The following SRGAP2B variants were observed in gnomAD, a reference collection of about 807,000 sequenced individuals.
SRGAP2B encodes SLIT-ROBO Rho GTPase activating protein 2B, also known as SLIT-ROBO Rho GTPase-activating protein 2B.
Under a neutral mutation model 22.2 loss-of-function variants are expected in SRGAP2B, and 9 were observed. The ratio of observed to expected loss-of-function variants is 0.41; its 90% CI spans 0.24 to 0.71. SRGAP2B has a LOEUF of 0.71. SRGAP2B is among the 30% of genes least tolerant of loss of function. The pLI is 0.35. For missense variants in SRGAP2B, 114 were observed against 235.8 expected (o/e 0.48, Z 3.38); for synonymous variants, 36 against 87.4 (o/e 0.41, Z 3.28).
chr1:144,998,564 G>A (rs1553618978), intron 2 of SRGAP2B, among the ~76,000 whole-genome samples: 2 of 149,898 alleles, frequency 1.3e-5, no homozygotes, highest in African/African-American at 5.0e-5. Flanking sequence ...AGAAGAAGAG[G>A]AAGAGGAAGA....
At chr1:145,068,072 G>A (rs1392833402) in intron 2 of SRGAP2B, among the ~76,000 whole-genome samples, 1 of 46,176 alleles carries the variant, frequency 2.2e-5, no homozygotes, top group Admixed American at 2.3e-4. Context: ...GCGTGGTGGC[G>A]GGCGCCTGTA....
At chr1:145,040,478 A>C (rs1649096220) in intron 2 of SRGAP2B, among the ~76,000 whole-genome samples, 1 of 150,932 alleles carries the variant, frequency 6.6e-6, no homozygotes, top group Non-Finnish European at 1.5e-5. Context: ...TCTTCCTATA[A>C]AGGCCAGATA....
At chr1:145,030,523 T>G (rs1571051047) in intron 2 of SRGAP2B, among the ~76,000 whole-genome samples, 3 of 26,798 alleles carry the variant, frequency 1.1e-4, no homozygotes, top group African/African-American at 2.3e-4. Context: ...GGACACAGGA[T>G]GGGGAACATC....
chr1:144,995,117 C>T lies in SRGAP2B; in HGVS notation c.151G>A (p.Asp51Asn), dbSNP rs1553618256. 2.9e-5 allele frequency: 38 copies of T among 1,313,184 alleles called. 1 individual carries two copies. The highest frequency in any genetic ancestry group is 1.8e-4 in the East Asian group (7 of 39,586). The allele number at this position is 1,313,184 out of a possible 1,614,324, so 81.3% of individuals were successfully genotyped here. Reference sequence around the variant, plus strand: ...ATCTCTGCCTTCTTTCGGAAGAAGTCCTGGAGGTCCTGCAACAGTTGCACC... The same window carrying T: ...ATCTCTGCCTTCTTTCGGAAGAAGTTCTGGAGGTCCTGCAACAGTTGCACC... The change falls in exon 3 of 10, where the codon GAC (aspartate) becomes AAC (asparagine). Residue 51 changes from aspartate (D) to asparagine (N), a missense_variant. Physicochemically the swap from Asp to Asn is conservative, Grantham distance 23 (BLOSUM62 1). Transcript: ENST00000612199.
rs56165682 is a variant in SRGAP2B, at chr1:144,994,567, TGAGAGAGAGAGA to T, written c.260+429_260+440del. 7.4e-3 allele frequency among the ~76,000 whole-genome samples: 901 copies of T among 122,468 alleles called. 18 individuals carry two copies. The highest frequency in any genetic ancestry group is 0.026 in the African/African-American group (756 of 28,854). 80.3% of individuals were successfully genotyped at this position (122,468 alleles called of 152,430 possible). On this transcript the variant is annotated intron_variant, in intron 3 of 9. Coordinates refer to ENST00000612199, the Ensembl canonical transcript of SRGAP2B. ...GTGAGTGTGAGTGTGTGTGTGTGTG[TGAGAGAGAGAGA>T]GAGAGAGAGAGAGAGAGAGAGAGAG...
In SRGAP2B at chr1:144,952,709, G is replaced by A. The variant is rs587739789; in HGVS notation, c.423+2730C>T. Among the ~76,000 whole-genome samples, 70 of 150,310 alleles carry A rather than the reference G, an allele frequency of 4.7e-4. 3 individuals carry two copies. Among genetic ancestry groups the A allele is most frequent in the African/African-American group, 1.6e-3 (66 of 40,166 alleles). ...GGCTGGAGAGCAGTGGCATGATCAC[G>A]GCTCACTGCATCCTCAAACACCTGG... On this transcript the variant is annotated intron_variant, in intron 4 of 9. Coordinates refer to ENST00000612199, the Ensembl canonical transcript of SRGAP2B.
chr1:144,962,867 A>G (rs1667780732), intron 3 of SRGAP2B, among the ~76,000 whole-genome samples: 1 of 151,758 alleles, frequency 6.6e-6, no homozygotes, highest in Non-Finnish European at 1.5e-5. Flanking sequence ...GCTAGCCACT[A>G]TTCTAGGAAT....
chr1:144,957,284 A>G (rs587693117), intron 3 of SRGAP2B, among the ~76,000 whole-genome samples: 1 of 150,320 alleles, frequency 6.7e-6, no homozygotes, highest in East Asian at 1.9e-4. Flanking sequence ...ATGAAGTTCA[A>G]CTTAGAAGGC....
At chr1:144,994,861 G>A in intron 3 of SRGAP2B, 147 bp downstream of exon 3, 2 of 585,602 alleles carry the variant, frequency 3.4e-6, no homozygotes, top group Non-Finnish European at 2.9e-6. Context: ...AGACTGATCT[G>A]GAAAATGAGA....
At chr1:144,944,586 C>CAAAAAAAA (rs3061760) in intron 4 of SRGAP2B, among the ~76,000 whole-genome samples, 1 of 17,920 alleles carries the variant, frequency 5.6e-5, no homozygotes, top group African/African-American at 2.2e-4. Context: ...GTCTCCATCT[C>CAAAAAAAA]AAAAAAAAAA....
chr1:145,058,216 ACCTCACTAAG>A (rs1229219795), intron 2 of SRGAP2B, among the ~76,000 whole-genome samples: 1 of 148,830 alleles, frequency 6.7e-6, no homozygotes, highest in Non-Finnish European at 1.5e-5. Flanking sequence ...AATAATATCC[ACCTCACTAAG>A]GTGGTATGGG....
At chr1:144,984,365 CA>C (rs57268593) in intron 3 of SRGAP2B, among the ~76,000 whole-genome samples, 8 of 126,436 alleles carry the variant, frequency 6.3e-5, no homozygotes, top group Middle Eastern at 4.2e-3. Flanking sequence ...ACAACAACAA[CA>C]AAAAAAAAAA....
intron 1 of SRGAP2B, among the ~76,000 whole-genome samples, chr1:145,093,862 G>A (rs1427427092): frequency 6.9e-6 from 1 of 144,390 alleles, no homozygotes. Flanking sequence ...GGAGGGACAA[G>A]CCACCAGGGC....
intron 2 of SRGAP2B, among the ~76,000 whole-genome samples, chr1:145,061,601 C>A (rs1650916878): frequency 6.7e-6 from 1 of 150,186 alleles, no homozygotes; most frequent in Non-Finnish European, 1.5e-5. Flanking sequence ...TTTTTTCCCC[C>A]CTCTGAGACA....
intron 4 of SRGAP2B, among the ~76,000 whole-genome samples, chr1:144,924,816 T>G (rs1664543255): frequency 6.7e-6 from 1 of 149,116 alleles, no homozygotes; most frequent in South Asian, 2.1e-4. Context: ...TCAAGTTTGT[T>G]GTATTTTTAC....
At chr1:144,987,123 T>C (rs1205452317) in intron 3 of SRGAP2B, among the ~76,000 whole-genome samples, 6 of 152,156 alleles carry the variant, frequency 3.9e-5, no homozygotes, top group African/African-American at 1.4e-4. Context: ...GAAATCTCTC[T>C]TCTTTGTGCA....
At chr1:144,942,432 T>G (rs1666120421) in intron 4 of SRGAP2B, among the ~76,000 whole-genome samples, 1 of 149,056 alleles carries the variant, frequency 6.7e-6, no homozygotes, top group African/African-American at 2.6e-5. Flanking sequence ...TATTTATTTA[T>G]TTTTTGAGTC....
chr1:144,925,068 T>C (rs1461947539), intron 4 of SRGAP2B, among the ~76,000 whole-genome samples: 1 of 148,700 alleles, frequency 6.7e-6, no homozygotes, highest in Non-Finnish European at 1.5e-5. Context: ...AGTGGCGCCA[T>C]CTCGGCTCAC....
Position 144,892,183 on chromosome 1 carries a change from CTG to C in SRGAP2B, c.1352_1353del (p.Thr451SerfsTer28). ...CTTTAAAAGCCATAGCACTCCCTCA[CTG>C]TGAAATAAAACTGCTCTGTCTCTTG... is the stretch of plus-strand genomic sequence containing the variant. On this transcript the variant is annotated frameshift_variant, in exon 10 of 10. Coordinates refer to ENST00000612199, the Ensembl canonical transcript of SRGAP2B. LOFTEE classifies it high-confidence loss of function. 1 of 776,748 alleles carries C rather than the reference CTG, an allele frequency of 1.3e-6. No homozygotes were observed. The highest frequency in any genetic ancestry group is 2.4e-6 in the Non-Finnish European group (1 of 417,288). The allele number at this position is 776,748 out of a possible 1,614,324, so 48.1% of individuals were successfully genotyped here.
Sources: gnomAD v4.1 joint callset for allele counts (sites outside exome capture counted in the v4.1 genomes callset) on GRCh38, gnomAD v4.1.1 for gene constraint, MANE v1.5 for transcripts, NCBI Gene and HGNC (gene_info 2026-07-23, HGNC 2026-07-21) for gene names.